The following ARFGEF1 variants were observed in gnomAD, a reference collection of about 807,000 sequenced individuals.
ARFGEF1 encodes the protein ARF guanine nucleotide exchange factor 1.
Under a neutral mutation model 231.0 loss-of-function variants are expected in ARFGEF1, and 42 were observed. The ratio of observed to expected loss-of-function variants is 0.18; its 90% confidence interval spans 0.14 to 0.24. The LOEUF (loss-of-function observed/expected upper bound fraction) is 0.24. ARFGEF1 is among the 10% of genes least tolerant of loss of function. ARFGEF1 has a pLI of 1.00. For synonymous variants in ARFGEF1, 710 were observed against 732.3 expected (o/e 0.97, Z 0.49); for missense variants, 1,345 against 2,192.0 (o/e 0.61, Z 7.72).
chr8:67,203,013 C>A, intron 36 of ARFGEF1, 70 bp downstream of exon 36: 4 of 1,491,042 alleles, frequency 2.7e-6, no homozygotes, highest in Non-Finnish European at 3.6e-6. Context: ...TCAATGAGTT[C>A]TGAGACCTGT....
At chr8:67,264,941 G>C (rs1804789708) in intron 14 of ARFGEF1, among the ~76,000 whole-genome samples, 1 of 152,130 alleles carries the variant, frequency 6.6e-6, no homozygotes, top group Admixed American at 6.5e-5. Context: ...ATGGTGCTTG[G>C]CAATAGTCCC....
At chr8:67,223,257 T>A (rs1169311844) in intron 29 of ARFGEF1, among the ~76,000 whole-genome samples, 1 of 152,192 alleles carries the variant, frequency 6.6e-6, no homozygotes, top group Non-Finnish European at 1.5e-5. Context: ...TTGCCTAGGC[T>A]GGAGTACAGT....
chr8:67,237,512 T>G (rs1327072273), intron 22 of ARFGEF1, among the ~76,000 whole-genome samples: 1 of 152,120 alleles, frequency 6.6e-6, no homozygotes, highest in African/African-American at 2.4e-5. Flanking sequence ...GAGGAATCAC[T>G]AAAAGATAGA....
chr8:67,194,895 A>G (rs1341682439), downstream of ARFGEF1, among the ~76,000 whole-genome samples: 1 of 152,172 alleles, frequency 6.6e-6, no homozygotes, highest in Admixed American at 6.5e-5. Flanking sequence ...ATCTCATGCC[A>G]ACTAGTGTTT....
chr8:67,259,989 T>A, intron 14 of ARFGEF1, 63 bp from the exon 15 acceptor site: 1 of 1,104,386 alleles, frequency 9.1e-7, no homozygotes, highest in Non-Finnish European at 1.3e-6. Context: ...GAAAAGATCT[T>A]AAACCACAGT....
intron 38 of ARFGEF1, 120 bp downstream of exon 38, chr8:67,200,276 G>A: frequency 1.3e-6 from 1 of 773,102 alleles, no homozygotes; most frequent in East Asian, 2.5e-5. Context: ...ACAAGCAGCA[G>A]TGCAGCCTGG....
intron 5 of ARFGEF1, among the ~76,000 whole-genome samples, chr8:67,293,606 T>C (rs1806104880): frequency 2.0e-5 from 3 of 152,196 alleles, no homozygotes; most frequent in Admixed American, 6.5e-5. Flanking sequence ...AGGACTGATA[T>C]GAAATGCTTT....
At chr8:67,188,542 G>A (rs180834259) in intron 5 of ARFGEF1, among the ~76,000 whole-genome samples, 25 of 152,334 alleles carry the variant, frequency 1.6e-4, no homozygotes, top group African/African-American at 5.1e-4. Flanking sequence ...GTGGCAACCC[G>A]TTTTGGGTCC....
chr8:67,208,544 C>T (rs376542415), intron 34 of ARFGEF1, among the ~76,000 whole-genome samples: 9 of 149,426 alleles, frequency 6.0e-5, no homozygotes, highest in East Asian at 2.0e-4. Context: ...GCAGGAGAAT[C>T]GCTTGAACCC....
At chr8:67,288,239 T>A (rs947491857) in intron 6 of ARFGEF1, among the ~76,000 whole-genome samples, 174 bp from the exon 7 acceptor site, 1 of 151,110 alleles carries the variant, frequency 6.6e-6, no homozygotes, top group African/African-American at 2.4e-5. Flanking sequence ...ATACCAAAAC[T>A]TAAATATTTT....
At chr8:67,303,191 A>G (rs1284488022) in intron 1 of ARFGEF1, among the ~76,000 whole-genome samples, 1 of 152,150 alleles carries the variant, frequency 6.6e-6, no homozygotes, top group African/African-American at 2.4e-5. Context: ...AGGAGGAAAA[A>G]CACCTCAATG....
intron 9 of ARFGEF1, among the ~76,000 whole-genome samples, chr8:67,274,521 T>C (rs981781946): frequency 1.6e-4 from 24 of 152,212 alleles, no homozygotes; most frequent in African/African-American, 5.3e-4. Flanking sequence ...TCATTCCTCA[T>C]AAAAATCCTT....
At chr8:67,315,184 T>C (rs1807249676) in intron 1 of ARFGEF1, among the ~76,000 whole-genome samples, 1 of 152,304 alleles carries the variant, frequency 6.6e-6, no homozygotes, top group Non-Finnish European at 1.5e-5. Context: ...TACACAATGA[T>C]AGAAGGGTCA....
At chr8:67,193,349 G>A (rs1417909276), downstream of ARFGEF1, 19 of 810,514 alleles carry the variant, frequency 2.3e-5, no homozygotes, top group East Asian at 1.1e-4. Flanking sequence ...TGCCCACCTC[G>A]GCTTCCCAAA....
intron 7 of ARFGEF1, among the ~76,000 whole-genome samples, chr8:67,280,146 T>G (rs986469414): frequency 6.6e-6 from 1 of 152,222 alleles, no homozygotes; most frequent in Non-Finnish European, 1.5e-5. Context: ...ATGCAAAGAA[T>G]AGGCCAACCT....
chr8:67,194,169 C>A (rs567399391), downstream of ARFGEF1, among the ~76,000 whole-genome samples: 1 of 152,186 alleles, frequency 6.6e-6, no homozygotes. Context: ...CCTGCCAGCC[C>A]TACACCACCC....
chr8:67,238,989 TTG>T, intron 20 of ARFGEF1, 96 bp from the exon 21 acceptor site: 77 of 991,388 alleles, frequency 7.8e-5, no homozygotes, highest in Middle Eastern at 4.7e-4. Context: ...CAGTAAGATT[TTG>T]TTTTTTTTTT....
intron 19 of ARFGEF1, among the ~76,000 whole-genome samples, chr8:67,242,482 T>C (rs1456190700): frequency 1.3e-5 from 2 of 151,914 alleles, no homozygotes; most frequent in East Asian, 3.9e-4. Context: ...TTGAAGGGAA[T>C]GGCCCAGTCC....
intron 6 of ARFGEF1, among the ~76,000 whole-genome samples, chr8:67,290,909 T>A (rs1413782235): frequency 6.6e-6 from 1 of 151,446 alleles, no homozygotes; most frequent in Non-Finnish European, 1.5e-5. Context: ...GGGGGGAAAA[T>A]GTAAAAAGGC....
Sources: allele counts gnomAD v4.1 joint callset (sites outside exome capture counted in the v4.1 genomes callset), GRCh38; gene constraint gnomAD v4.1.1; transcripts MANE v1.5; gene names NCBI Gene and HGNC (gene_info 2026-07-23, HGNC 2026-07-21).